Variants in ASXL2 observed in about 807,000 individuals in gnomAD.
ASXL2 encodes ASXL transcriptional regulator 2.
Under a neutral mutation model 122.0 loss-of-function variants are expected in ASXL2, and 23 were observed. That is an observed-to-expected ratio of 0.19 (90% CI 0.14 to 0.27). The LOEUF (loss-of-function observed/expected upper bound fraction) is 0.27. Ranked by LOEUF, ASXL2 falls within the 10% of genes least tolerant of loss-of-function variation. The pLI is 1.00. For synonymous variants in ASXL2, 650 were observed against 637.0 expected, an observed-to-expected ratio of 1.02 and a Z score of -0.31; for missense variants, 1,518 against 1,713.8, an observed-to-expected ratio of 0.89 and a Z score of 2.02.
chr2:25,876,072 A>AT (rs1374613771), intron 1 of ASXL2, among the ~76,000 whole-genome samples: 2 of 152,024 alleles, frequency 1.3e-5, no homozygotes. Context: ...TGTTTTCTAG[A>AT]TTTTGGCTAC....
rs2087909616 is a variant in ASXL2, at chr2:25,744,635, C to T, written c.1861-159G>A. 6.6e-6 allele frequency among the ~76,000 whole-genome samples: 1 copy of T among 152,158 alleles called. No individual in the cohort carries two copies. Among genetic ancestry groups the T allele is most frequent in the Non-Finnish European group, 1.5e-5 (1 of 68,034 alleles). On this transcript the variant is annotated intron_variant, in intron 12 of 12. Coordinates refer to ENST00000435504, the MANE Select transcript of ASXL2 (RefSeq NM_018263.6). The surrounding 1 kb of genome is among the most constrained non-coding windows in gnomAD (Gnocchi z 4.7). ...CCGAGAGGCCAAACCTTGGAGACAG[C>T]AATACTAGTTTGTCTCTAGGGTCCT...
chr2:25,799,256 T>C (rs77697564), intron 5 of ASXL2, 129 bp downstream of exon 5: 253 of 1,287,160 alleles, frequency 2.0e-4, no homozygotes, highest in Non-Finnish European at 2.3e-4. Context: ...AAAACTCTCC[T>C]TGACAGGACT....
At chr2:25,750,713 G>A (rs572254250) in intron 11 of ASXL2, among the ~76,000 whole-genome samples, 11 of 152,318 alleles carry the variant, frequency 7.2e-5, no homozygotes, top group African/African-American at 2.6e-4. Flanking sequence ...TGATAATTAA[G>A]TTAATCCATA....
chr2:25,846,653 A>G (rs1293039737), intron 1 of ASXL2, among the ~76,000 whole-genome samples: 1 of 137,560 alleles, frequency 7.3e-6, no homozygotes, highest in Non-Finnish European at 1.6e-5. Flanking sequence ...ATCTCAAAAA[A>G]AGAAAAAAAA....
intron 6 of ASXL2, among the ~76,000 whole-genome samples, chr2:25,771,113 G>A (rs1378670767): frequency 2.0e-5 from 3 of 152,114 alleles, no homozygotes. Context: ...GCAGGTGCCT[G>A]TAGTCCCAGC....
At chr2:25,840,689 T>G (rs561277999) in intron 2 of ASXL2, among the ~76,000 whole-genome samples, 6 of 152,260 alleles carry the variant, frequency 3.9e-5, no homozygotes, top group Non-Finnish European at 8.8e-5. Context: ...CTGTAGCATG[T>G]ATCAGAATTT....
intron 3 of ASXL2, among the ~76,000 whole-genome samples, chr2:25,825,043 C>G (rs1487440070): frequency 6.6e-6 from 1 of 152,184 alleles, no homozygotes; most frequent in African/African-American, 2.4e-5. Context: ...TTTACCAATT[C>G]TGAATCATTG....
At chr2:25,852,930 G>C (rs1015482306) in intron 1 of ASXL2, among the ~76,000 whole-genome samples, 2 of 152,170 alleles carry the variant, frequency 1.3e-5, no homozygotes, top group Non-Finnish European at 2.9e-5. Flanking sequence ...ATTTAGCACT[G>C]ACTGGGAGTC....
chr2:25,828,341 C>T (rs2089403469), intron 3 of ASXL2, among the ~76,000 whole-genome samples: 1 of 151,610 alleles, frequency 6.6e-6, no homozygotes, highest in Admixed American at 6.6e-5. Flanking sequence ...CCCGTCTCCA[C>T]TAAAAATACA....
At chr2:25,767,151 G>A (rs1041371034) in intron 8 of ASXL2, among the ~76,000 whole-genome samples, 1 of 152,124 alleles carries the variant, frequency 6.6e-6, no homozygotes, top group African/African-American at 2.4e-5. Flanking sequence ...GGAATAGAGA[G>A]AAGAAATTTC....
intron 9 of ASXL2, among the ~76,000 whole-genome samples, chr2:25,756,539 T>C (rs2088139616): frequency 6.6e-6 from 1 of 152,086 alleles, no homozygotes; most frequent in Non-Finnish European, 1.5e-5. Context: ...AAACAGTTTT[T>C]TGAAGAAAAT....
chr2:25,788,063 C>T (rs996229842), intron 5 of ASXL2, among the ~76,000 whole-genome samples: 31 of 152,182 alleles, frequency 2.0e-4, no homozygotes, highest in Middle Eastern at 3.4e-3. Context: ...GAAACCAAAC[C>T]ATAACTATAT....
chr2:25,840,302 C>A (rs1173430842), intron 2 of ASXL2, among the ~76,000 whole-genome samples: 1 of 152,156 alleles, frequency 6.6e-6, no homozygotes, highest in African/African-American at 2.4e-5. Context: ...CTTAAAGGGG[C>A]TAGTACCTGA....
Position 25,742,086 on chromosome 2 carries a change from G to A in ASXL2, c.4251C>T (p.Cys1417=), listed in dbSNP as rs1331443023. ...TGGAGGGGCCGATGCAATCATCATG[G>A]CAGAAAGCGCCACAGCCTTTGCACA... The part of the protein sequence containing the change: ...MIMCKGCGAF[C]HDDCIGPSKL... Residue 1417 remains cysteine (C), a synonymous_variant, in exon 13 of 13, where the codon TGC becomes TGT. Coordinates refer to ENST00000435504, the MANE Select transcript of ASXL2 (RefSeq NM_018263.6). 1 of 1,613,878 alleles carries A rather than the reference G, an allele frequency of 6.2e-7. No homozygotes were observed. Among genetic ancestry groups the A allele is most frequent in the Non-Finnish European group, 8.5e-7 (1 of 1,179,904 alleles).
intron 5 of ASXL2, among the ~76,000 whole-genome samples, chr2:25,790,998 T>C (rs994225911): frequency 1.1e-4 from 16 of 151,750 alleles, no homozygotes; most frequent in African/African-American, 3.4e-4. Flanking sequence ...GGTCTCACCA[T>C]GTTGCCCAAG....
intron 9 of ASXL2, among the ~76,000 whole-genome samples, chr2:25,758,362 C>T (rs1574400196): frequency 6.6e-6 from 1 of 152,210 alleles, no homozygotes; most frequent in Non-Finnish European, 1.5e-5. Context: ...CTAAGGAAAA[C>T]ATCTCCCTCT....
At chr2:25,824,888 T>G (rs1250828964) in intron 3 of ASXL2, among the ~76,000 whole-genome samples, 1 of 152,196 alleles carries the variant, frequency 6.6e-6, no homozygotes, top group Non-Finnish European at 1.5e-5. Context: ...CAAAGACACA[T>G]GTAAATGAAG....
chr2:25,765,259 G>A (rs935887762), intron 8 of ASXL2, among the ~76,000 whole-genome samples: 2 of 152,114 alleles, frequency 1.3e-5, no homozygotes, highest in African/African-American at 4.8e-5. Flanking sequence ...GCCAAGGCGG[G>A]CAGATCACGA....
chr2:25,775,192 A>G (rs2088526096), intron 5 of ASXL2, among the ~76,000 whole-genome samples: 3 of 152,112 alleles, frequency 2.0e-5, no homozygotes. Flanking sequence ...CAATGGCACA[A>G]TCTCAGCTCA....
Sources: gnomAD v4.1 joint callset for allele counts (sites outside exome capture counted in the v4.1 genomes callset) on GRCh38, gnomAD v4.1.1 for gene constraint, Gnocchi (gnomAD v3.1) non-coding constraint, MANE v1.5 for transcripts, NCBI Gene and HGNC (gene_info 2026-07-23, HGNC 2026-07-21) for gene names.